Variants in SMAP1 observed in about 807,000 individuals in gnomAD.
The protein encoded by SMAP1 is small ArfGAP 1.
In SMAP1, 24 loss-of-function variants were observed where a neutral mutation model predicts 58.5. That is an observed-to-expected ratio of 0.41 (90% CI 0.30 to 0.58). SMAP1 has a LOEUF of 0.58. Among genes scored for constraint, SMAP1 ranks in the 20% least tolerant of loss-of-function variants. The pLI, the probability that SMAP1 is intolerant of heterozygous loss-of-function variation, is 0.29. For missense variants in SMAP1, 563 were observed against 566.3 expected (o/e 0.99, Z 0.06); for synonymous variants, 216 against 196.6 (o/e 1.10, Z -0.82).
rs148635251 is a variant in SMAP1 at position 70,806,448 on chromosome 6, C to T, written c.576+7711C>T. Among the ~76,000 whole-genome samples the T allele has an allele frequency of 5.3e-3, 808 of 152,238 alleles. 3 individuals carry two copies. The highest frequency in any genetic ancestry group is 8.4e-3 in the Non-Finnish European group (573 of 68,030). On this transcript the variant is annotated intron_variant, in intron 6 of 10. Transcript: ENST00000370455. Reference sequence around the variant, plus strand: ...TGGCTAGGAAAGGGAAATCCGTGACCCCCTGTGCTTCCTGGTGAGGTGATG... The same window carrying T: ...TGGCTAGGAAAGGGAAATCCGTGACTCCCTGTGCTTCCTGGTGAGGTGATG...
intron 1 of SMAP1, among the ~76,000 whole-genome samples, chr6:70,670,921 T>C (rs1002986401): frequency 3.9e-5 from 6 of 152,232 alleles, no homozygotes; most frequent in Non-Finnish European, 7.3e-5. Flanking sequence ...GAGAAAAGGA[T>C]GGCATAGGCG....
intron 6 of SMAP1, among the ~76,000 whole-genome samples, chr6:70,805,299 T>G (rs148352294): frequency 2.0e-5 from 3 of 152,328 alleles, no homozygotes; most frequent in Non-Finnish European, 4.4e-5. Context: ...AATCAGCTAT[T>G]GAAGCTTGTG....
At position 70,737,558 on chromosome 6, in the gene SMAP1, A is replaced by G. The variant is rs138851305; in HGVS notation, c.252+5047A>G. The stretch of plus-strand genomic sequence containing the variant: ...TTCTTCTGTATGTAGTATGTGCTCA[A>G]TTATCTATGGCAAGTACCATATATT... On this transcript the variant is annotated intron_variant, in intron 2 of 10. Transcript: ENST00000370455. Among the ~76,000 whole-genome samples, 13 of 152,308 alleles carry G rather than the reference A, an allele frequency of 8.5e-5. No individual in the cohort carries two copies. In the East Asian group the frequency reaches 1.3e-3, roughly 16 times the overall value.
At chr6:70,834,247 A>C (rs1430015832) in intron 6 of SMAP1, among the ~76,000 whole-genome samples, 1 of 152,166 alleles carries the variant, frequency 6.6e-6, no homozygotes, top group Non-Finnish European at 1.5e-5. Context: ...TTTTTAAAAA[A>C]GATCCTTTTT....
chr6:70,843,810 T>C (rs2063566769), intron 7 of SMAP1, among the ~76,000 whole-genome samples: 1 of 152,166 alleles, frequency 6.6e-6, no homozygotes, highest in Admixed American at 6.5e-5. Context: ...CCAGAATAAA[T>C]GGTGTGCTTT....
At position 70,702,666 on chromosome 6, in the gene SMAP1, T is replaced by C. The variant is rs542833145; in HGVS notation, c.119-29712T>C. Among the ~76,000 whole-genome samples the C allele has an allele frequency of 2.0e-4, 30 of 151,896 alleles. 1 individual carries two copies. The South Asian group carries it at 6.2e-3, about 32-fold the overall frequency. On this transcript the variant is annotated intron_variant, in intron 1 of 10. Coordinates refer to ENST00000370455, the MANE Select transcript of SMAP1 (RefSeq NM_001044305.3). ...CTTTTTTTTTTTTTGAGGCAGAGTC[T>C]AGCTCTTTTACCCAGGCTGGAGTTG...
intron 1 of SMAP1, among the ~76,000 whole-genome samples, chr6:70,695,491 A>C (rs1037424216): frequency 6.6e-6 from 1 of 152,132 alleles, no homozygotes; most frequent in East Asian, 1.9e-4. Flanking sequence ...TCTATCATAA[A>C]GGGATGTTGA....
At position 70,787,970 on chromosome 6, in the gene SMAP1, A is replaced by C. The variant is rs923520623; in HGVS notation, c.415-3719A>C. ...ACTGGGTATATACCCAAAGGACTAT[A>C]AATCGTGCTACTATAAAGACACGTG... is the stretch of plus-strand genomic sequence containing the variant. On this transcript the variant is annotated intron_variant, in intron 4 of 10. Coordinates refer to ENST00000370455, the MANE Select transcript of SMAP1 (RefSeq NM_001044305.3). 2.6e-5 allele frequency among the ~76,000 whole-genome samples: 4 copies of C among 152,266 alleles called. No homozygotes were observed. In the East Asian group the frequency reaches 7.7e-4, roughly 29 times the overall value.
At chr6:70,739,511 A>G (rs1166630935) in intron 2 of SMAP1, among the ~76,000 whole-genome samples, 1 of 152,092 alleles carries the variant, frequency 6.6e-6, no homozygotes, top group African/African-American at 2.4e-5. Flanking sequence ...TTCTGTGCTT[A>G]TGTGTTTAAC....
In SMAP1 at chr6:70,747,517, A is replaced by G. The variant is rs557095539; in HGVS notation, c.253-7463A>G. 1.4e-4 allele frequency among the ~76,000 whole-genome samples: 21 copies of G among 152,294 alleles called. No individual in the cohort carries two copies. In the South Asian group the frequency reaches 4.4e-3, roughly 32 times the overall value. ...TCTTAAAATATTCCTGCAATAGCCT[A>G]GGCAATAGATGACTAGATCCTGAAT... On this transcript the variant is annotated intron_variant, in intron 2 of 10. Coordinates refer to ENST00000370455, the MANE Select transcript of SMAP1 (RefSeq NM_001044305.3).
chr6:70,853,048 G>A (rs574118958), intron 8 of SMAP1, among the ~76,000 whole-genome samples: 2 of 152,268 alleles, frequency 1.3e-5, no homozygotes, highest in East Asian at 3.9e-4. Context: ...ACTTTCCTGA[G>A]ATCAACAAGG....
At chr6:70,704,432 C>G (rs751320889) in intron 1 of SMAP1, among the ~76,000 whole-genome samples, 33 of 152,154 alleles carry the variant, frequency 2.2e-4, no homozygotes, top group Non-Finnish European at 4.4e-4. Flanking sequence ...ATTTTGCTGA[C>G]TGCTAATATT....
At chr6:70,823,436 A>G (rs546792248) in intron 6 of SMAP1, among the ~76,000 whole-genome samples, 74 of 152,276 alleles carry the variant, frequency 4.9e-4, no homozygotes, top group African/African-American at 1.7e-3. Context: ...TTAAGCTCTA[A>G]TAAAACTCCT....
intron 2 of SMAP1, among the ~76,000 whole-genome samples, chr6:70,749,799 A>C (rs1766201838): frequency 6.6e-6 from 1 of 152,160 alleles, no homozygotes; most frequent in Non-Finnish European, 1.5e-5. Context: ...AAAAAGGGAG[A>C]TGTATAAAGA....
chr6:70,706,305 C>A (rs892239525), intron 1 of SMAP1, among the ~76,000 whole-genome samples: 1 of 152,092 alleles, frequency 6.6e-6, no homozygotes, highest in Admixed American at 6.5e-5. Context: ...AAAATAAGTC[C>A]TTTCCCCCCA....
intron 10 of SMAP1, 116 bp from the exon 11 acceptor site, chr6:70,860,084 T>G: frequency 8.5e-7 from 1 of 1,176,262 alleles, no homozygotes; most frequent in Non-Finnish European, 1.2e-6. Flanking sequence ...CTGTTTTTAT[T>G]CCAGTGCTTG....
At chr6:70,822,641 T>A (rs755539346) in intron 6 of SMAP1, among the ~76,000 whole-genome samples, 12 of 152,298 alleles carry the variant, frequency 7.9e-5, no homozygotes, top group Non-Finnish European at 1.6e-4. Flanking sequence ...TTTGGCCTTT[T>A]ATCTTAGTTG....
chr6:70,784,296 A>G (rs1767902932), intron 4 of SMAP1, among the ~76,000 whole-genome samples: 1 of 152,020 alleles, frequency 6.6e-6, no homozygotes, highest in Admixed American at 6.5e-5. Flanking sequence ...AGAGCTCCTG[A>G]AGGAAGCACT....
At chr6:70,793,363 A>G (rs756938692) in intron 5 of SMAP1, among the ~76,000 whole-genome samples, 7 of 152,120 alleles carry the variant, frequency 4.6e-5, no homozygotes, top group Non-Finnish European at 1.0e-4. Context: ...GGTCTTAAGA[A>G]GGTACAGTCT....
Sources: gnomAD v4.1 joint callset for allele counts (sites outside exome capture counted in the v4.1 genomes callset) on GRCh38, gnomAD v4.1.1 for gene constraint, MANE v1.5 for transcripts, NCBI Gene and HGNC (gene_info 2026-07-23, HGNC 2026-07-21) for gene names.